Variants in TCERG1L observed in about 807,000 individuals in gnomAD.
The protein encoded by TCERG1L is transcription elongation regulator 1 like.
A neutral mutation model predicts 56.3 loss-of-function variants in TCERG1L; 37 were observed. The observed-to-expected ratio is 0.66, with a 90% CI of 0.51 to 0.87. The LOEUF (loss-of-function observed/expected upper bound fraction) is 0.87, where lower values mean the gene tolerates loss of function less well. Among genes scored for constraint, TCERG1L ranks in the 40% least tolerant of loss-of-function variants. The pLI, the probability that TCERG1L is intolerant of heterozygous loss-of-function variation, is 0.00. For missense variants in TCERG1L, 799 were observed against 774.2 expected (o/e 1.03, Z -0.38); for synonymous variants, 324 against 326.3 (o/e 0.99, Z 0.08).
intron 4 of TCERG1L, among the ~76,000 whole-genome samples, chr10:131,223,536 C>G (rs943666517): frequency 1.3e-5 from 2 of 152,076 alleles, no homozygotes; most frequent in African/African-American, 4.8e-5. Flanking sequence ...AAACATACTT[C>G]TGTGCCTTTT....
chr10:131,132,694 G>T (rs537035169), intron 8 of TCERG1L, among the ~76,000 whole-genome samples: 100 of 152,194 alleles, frequency 6.6e-4, no homozygotes, highest in Non-Finnish European at 1.1e-3. Context: ...GGCTGCACTG[G>T]GCTCTTTCCT....
chr10:131,207,404 G>A (rs1319150774), intron 4 of TCERG1L, among the ~76,000 whole-genome samples: 2 of 152,236 alleles, frequency 1.3e-5, no homozygotes, highest in African/African-American at 4.8e-5. Context: ...CGGCACTGCA[G>A]TGATGCAGGG....
intron 4 of TCERG1L, among the ~76,000 whole-genome samples, chr10:131,250,097 G>A (rs1277604536): frequency 6.6e-6 from 1 of 152,190 alleles, no homozygotes; most frequent in Non-Finnish European, 1.5e-5. Context: ...CAGGAGCCCA[G>A]CCGACTCACA....
chr10:131,135,369 C>T (rs922282096), intron 7 of TCERG1L, among the ~76,000 whole-genome samples: 1 of 152,206 alleles, frequency 6.6e-6, no homozygotes, highest in South Asian at 2.1e-4. Flanking sequence ...GGAGGGTCTG[C>T]GATGAAAACA....
At chr10:131,263,860 G>A (rs1389253539) in intron 3 of TCERG1L, among the ~76,000 whole-genome samples, 1 of 152,196 alleles carries the variant, frequency 6.6e-6, no homozygotes, top group Non-Finnish European at 1.5e-5. Context: ...GTTTCCACTG[G>A]AATTTAACCA....
At chr10:131,098,882 C>A (rs559085911) in intron 10 of TCERG1L, among the ~76,000 whole-genome samples, 1 of 152,314 alleles carries the variant, frequency 6.6e-6, no homozygotes, top group East Asian at 1.9e-4. Context: ...TCGTGCTAGT[C>A]ACTTCCTAGG....
At chr10:131,207,440 G>A (rs948459522) in intron 4 of TCERG1L, among the ~76,000 whole-genome samples, 1 of 152,202 alleles carries the variant, frequency 6.6e-6, no homozygotes, top group Admixed American at 6.5e-5. Context: ...CTGTTTACAG[G>A]TGACACAGCG....
At chr10:131,206,448 C>T (rs1394940451) in intron 4 of TCERG1L, among the ~76,000 whole-genome samples, 1 of 152,212 alleles carries the variant, frequency 6.6e-6, no homozygotes, top group Non-Finnish European at 1.5e-5. Flanking sequence ...CCTGGAGCAG[C>T]CCTCAAAGGA....
chr10:131,255,850 G>C (rs961356541), intron 4 of TCERG1L, among the ~76,000 whole-genome samples: 2 of 152,212 alleles, frequency 1.3e-5, no homozygotes, highest in African/African-American at 4.8e-5. Context: ...CCAACAGTGG[G>C]AAAGTCTGCA....
chr10:131,306,976 A>AT (rs763542015), intron 3 of TCERG1L, among the ~76,000 whole-genome samples: 53 of 152,298 alleles, frequency 3.5e-4, no homozygotes, highest in Admixed American at 1.0e-3. Context: ...TGATTTCACC[A>AT]TTTTTTAAAC....
At chr10:131,272,883 T>TG (rs1418611258) in intron 3 of TCERG1L, among the ~76,000 whole-genome samples, 1 of 152,066 alleles carries the variant, frequency 6.6e-6, no homozygotes, top group Non-Finnish European at 1.5e-5. Flanking sequence ...TCTGCATCTG[T>TG]GGGGTGGGGA....
intron 8 of TCERG1L, among the ~76,000 whole-genome samples, chr10:131,128,730 T>C (rs1845588890): frequency 1.3e-5 from 2 of 152,128 alleles, no homozygotes; most frequent in East Asian, 1.9e-4. Flanking sequence ...TAAATGTGAA[T>C]AAAATGGCAG....
intron 3 of TCERG1L, among the ~76,000 whole-genome samples, chr10:131,280,276 C>T (rs1212856253): frequency 6.6e-6 from 1 of 151,178 alleles, no homozygotes; most frequent in Non-Finnish European, 1.5e-5. Context: ...TCAGTGAGCA[C>T]AGAGGTGATT....
chr10:131,244,175 G>T (rs1589759523), intron 4 of TCERG1L, among the ~76,000 whole-genome samples: 1 of 152,244 alleles, frequency 6.6e-6, no homozygotes, highest in Non-Finnish European at 1.5e-5. Flanking sequence ...GGCTGCCCGT[G>T]GGGTGGAGGC....
chr10:131,126,574 T>C (rs1041400006), intron 8 of TCERG1L, among the ~76,000 whole-genome samples: 14 of 151,920 alleles, frequency 9.2e-5, no homozygotes, highest in African/African-American at 3.4e-4. Flanking sequence ...TGGCCTGAGC[T>C]CCTGCTTTGC....
chr10:131,270,299 G>A (rs1264395857), intron 3 of TCERG1L, among the ~76,000 whole-genome samples: 1 of 152,204 alleles, frequency 6.6e-6, no homozygotes, highest in Non-Finnish European at 1.5e-5. Context: ...CCTCGGAGAC[G>A]CCTCCTGAGC....
intron 4 of TCERG1L, among the ~76,000 whole-genome samples, chr10:131,205,832 C>T (rs549489091): frequency 2.0e-5 from 3 of 152,290 alleles, no homozygotes; most frequent in East Asian, 3.9e-4. Context: ...GTGCAGGAGA[C>T]GGGAGGCTGT....
intron 4 of TCERG1L, among the ~76,000 whole-genome samples, chr10:131,221,869 C>T (rs11592864): frequency 0.2 from 30,177 of 152,210 alleles, 3,901 homozygotes; most frequent in Non-Finnish European, 0.28. Flanking sequence ...CCTTCCCGCA[C>T]AGGGCAAATG....
intron 6 of TCERG1L, chr10:131,161,654 G>T (rs113821956): frequency 2.2e-4 from 34 of 151,940 alleles, no homozygotes; most frequent in Middle Eastern, 3.4e-3. Flanking sequence ...AGTAGCTTCA[G>T]GGAGGGTGCT....
Sources: allele counts gnomAD v4.1 joint callset (sites outside exome capture counted in the v4.1 genomes callset), GRCh38; gene constraint gnomAD v4.1.1; transcripts MANE v1.5; gene names NCBI Gene and HGNC (gene_info 2026-07-23, HGNC 2026-07-21).